The following RBKS variants were observed in gnomAD, a reference collection of about 807,000 sequenced individuals.
RBKS encodes ribokinase.
A neutral mutation model predicts 33.9 loss-of-function variants in RBKS; 33 were observed. The ratio of observed to expected loss-of-function variants is 0.97; its 90% CI spans 0.74 to 1.30. The LOEUF (loss-of-function observed/expected upper bound fraction) is 1.30. Among genes scored for constraint, RBKS ranks in the 50% most tolerant of loss-of-function variants. RBKS has a pLI of 0.00. For missense variants in RBKS, 361 were observed against 392.6 expected (o/e 0.92, Z 0.68); for synonymous variants, 125 against 143.0 (o/e 0.87, Z 0.90).
chr2:27,794,666 C>G (rs1268927580), intron 7 of RBKS, among the ~76,000 whole-genome samples: 1 of 150,304 alleles, frequency 6.7e-6, no homozygotes, highest in Non-Finnish European at 1.5e-5. Flanking sequence ...TCTTGTTGCC[C>G]AGGCTGGAGT....
At chr2:27,834,262 G>C (rs9678430) in intron 5 of RBKS, among the ~76,000 whole-genome samples, 50,498 of 152,048 alleles carry the variant, frequency 0.33, 9,944 homozygotes, top group East Asian at 0.63. Flanking sequence ...GATTCAGTCA[G>C]TGGGTCTTGT....
chr2:27,828,282 A>G (rs1573051222), intron 6 of RBKS, among the ~76,000 whole-genome samples: 1 of 152,162 alleles, frequency 6.6e-6, no homozygotes, highest in Admixed American at 6.5e-5. Context: ...TTGGGGCAAC[A>G]AAGAGAAGTC....
At chr2:27,816,847 T>C (rs1284594473) in intron 7 of RBKS, among the ~76,000 whole-genome samples, 1 of 152,216 alleles carries the variant, frequency 6.6e-6, no homozygotes, top group Non-Finnish European at 1.5e-5. Flanking sequence ...TCCACCCGCC[T>C]TGGCCTCCCA....
In RBKS at chr2:27,799,379, C is replaced by A. The variant is rs560776360; in HGVS notation, c.796-17591G>T. On this transcript the variant is annotated intron_variant, in intron 7 of 7. Coordinates refer to ENST00000302188, the MANE Select transcript of RBKS (RefSeq NM_022128.3). ...CACGCTGAATGAGTCACTACCCAAACTGCCGAGGGACCCTAACAGTTACAG... is the reference window on the plus strand; with the variant it reads ...CACGCTGAATGAGTCACTACCCAAAATGCCGAGGGACCCTAACAGTTACAG... 2.5e-3 allele frequency among the ~76,000 whole-genome samples: 384 copies of A among 152,306 alleles called. 1 individual carries two copies. The highest frequency in any genetic ancestry group is 8.7e-3 in the African/African-American group (363 of 41,560).
intron 4 of RBKS, 123 bp downstream of exon 4, chr2:27,846,919 T>A (rs1452201617): frequency 6.8e-6 from 4 of 588,178 alleles, no homozygotes; most frequent in Non-Finnish European, 9.3e-6. Context: ...AACTATGTTT[T>A]AGGCCTTGGA....
chr2:27,856,009 T>G (rs1663850687), intron 2 of RBKS, among the ~76,000 whole-genome samples: 1 of 152,250 alleles, frequency 6.6e-6, no homozygotes. Flanking sequence ...AAAACTGCTA[T>G]AAAGCAAGTT....
chr2:27,809,215 G>T (rs922280771), intron 7 of RBKS, among the ~76,000 whole-genome samples: 3 of 152,212 alleles, frequency 2.0e-5, no homozygotes, highest in Admixed American at 6.5e-5. Flanking sequence ...AGTGGGCTTG[G>T]GCCAGGAGCC....
intron 3 of RBKS, among the ~76,000 whole-genome samples, chr2:27,847,668 T>C (rs1663646959): frequency 6.6e-6 from 1 of 152,250 alleles, no homozygotes; most frequent in African/African-American, 2.4e-5. Context: ...TCACAGAACA[T>C]CTCTGACCTT....
At position 27,810,167 on chromosome 2, in the gene RBKS, A is replaced by G; in HGVS notation, c.795+17400T>C. ...GCTGGTGCACCTGGTATATTTGTCT[A>G]CACAACCCAAATTCGTCATATACTG... On this transcript the variant is annotated intron_variant, in intron 7 of 7. Coordinates refer to ENST00000302188, the MANE Select transcript of RBKS (RefSeq NM_022128.3). The surrounding 1 kb of genome is among the most constrained non-coding windows in gnomAD (Gnocchi z 4.4). 2 of 1,212,886 alleles carry G rather than the reference A, an allele frequency of 1.6e-6. No individual in the cohort carries two copies. Among genetic ancestry groups the G allele is most frequent in the Non-Finnish European group, 1.1e-6 (1 of 935,338 alleles). 75.1% of individuals were successfully genotyped at this position (1,212,886 alleles called of 1,614,324 possible).
At chr2:27,882,204 G>A (rs1187874964) in intron 1 of RBKS, among the ~76,000 whole-genome samples, 1 of 151,212 alleles carries the variant, frequency 6.6e-6, no homozygotes, top group African/African-American at 2.4e-5. Flanking sequence ...CACCTAAAAG[G>A]AACTTAAACA....
chr2:27,867,451 G>T (rs761312871), intron 1 of RBKS, among the ~76,000 whole-genome samples: 15 of 152,252 alleles, frequency 9.9e-5, no homozygotes, highest in Non-Finnish European at 1.8e-4. Context: ...AATTGAAAAT[G>T]AAGTTATGTG....
chr2:27,815,485 T>C lies in RBKS; in HGVS notation c.795+12082A>G, dbSNP rs147992302. On this transcript the variant is annotated intron_variant, in intron 7 of 7. Coordinates refer to ENST00000302188, the MANE Select transcript of RBKS (RefSeq NM_022128.3). ...GTGCTGGGATTACAGGCTTGCACCA[T>C]TGCGCCTAGCTCTAGGTGGTTTTCT... 3.7e-4 allele frequency among the ~76,000 whole-genome samples: 56 copies of C among 152,242 alleles called. No homozygotes were observed. The East Asian group carries it at 0.01, about 28-fold the overall frequency.
At chr2:27,883,882 T>C (rs923336458) in intron 1 of RBKS, among the ~76,000 whole-genome samples, 2 of 152,170 alleles carry the variant, frequency 1.3e-5, no homozygotes, top group African/African-American at 4.8e-5. Context: ...ATGTATATTT[T>C]CATTAAAGGG....
At chr2:27,865,570 CCT>C (rs1664084263) in intron 1 of RBKS, among the ~76,000 whole-genome samples, 2 of 118,436 alleles carry the variant, frequency 1.7e-5, no homozygotes, top group East Asian at 5.4e-4. Flanking sequence ...TTCTCCTCCT[CCT>C]TTTTTTTTTT....
intron 7 of RBKS, among the ~76,000 whole-genome samples, chr2:27,816,378 C>T (rs1678092756): frequency 1.3e-5 from 2 of 152,164 alleles, no homozygotes; most frequent in South Asian, 2.1e-4. Context: ...TCTGTCCTTT[C>T]CTTACAGTCA....
At chr2:27,889,046 T>C (rs1165573566) in intron 1 of RBKS, among the ~76,000 whole-genome samples, 5 of 152,256 alleles carry the variant, frequency 3.3e-5, no homozygotes, top group Non-Finnish European at 7.3e-5. Flanking sequence ...CTTTTGTTGC[T>C]TCTTCTCGTT....
chr2:27,797,393 T>C (rs1677685191), intron 7 of RBKS, among the ~76,000 whole-genome samples: 1 of 152,212 alleles, frequency 6.6e-6, no homozygotes, highest in South Asian at 2.1e-4. Flanking sequence ...GCCATCTTTA[T>C]TTTACGCTGA....
At chr2:27,889,952 G>C in intron 1 of RBKS, 1 of 305,286 alleles carries the variant, frequency 3.3e-6, no homozygotes, top group East Asian at 5.5e-5. Flanking sequence ...TCAGCAGCCG[G>C]GCCAAGAAAG....
chr2:27,858,669 A>T, intron 1 of RBKS, 98 bp from the exon 2 acceptor site: 1 of 1,035,118 alleles, frequency 9.7e-7, no homozygotes, highest in South Asian at 1.6e-5. Flanking sequence ...AGAGCTCTAA[A>T]TAGTCTTAAC....
Sources: allele counts gnomAD v4.1 joint callset (sites outside exome capture counted in the v4.1 genomes callset), GRCh38; gene constraint gnomAD v4.1.1; non-coding constraint Gnocchi (gnomAD v3.1); transcripts MANE v1.5; gene names NCBI Gene and HGNC (gene_info 2026-07-23, HGNC 2026-07-21).